Variants in ACTR3B observed in about 807,000 individuals in gnomAD.
ACTR3B encodes actin related protein 3B.
A neutral mutation model predicts 59.0 loss-of-function variants in ACTR3B; 8 were observed. That is an observed-to-expected ratio of 0.14 (90% CI 0.08 to 0.24). The LOEUF (loss-of-function observed/expected upper bound fraction) is 0.24. Among genes scored for constraint, ACTR3B ranks in the 10% least tolerant of loss-of-function variants. ACTR3B has a pLI of 1.00. For synonymous variants in ACTR3B, 148 were observed against 197.9 expected (o/e 0.75, Z 2.12); for missense variants, 245 against 552.3 (o/e 0.44, Z 5.58).
rs547362283 is a variant in ACTR3B at position 152,763,788 on chromosome 7, C to CT, written c.44+3863dup. Among the ~76,000 whole-genome samples, 235 of 152,208 alleles carry CT rather than the reference C, an allele frequency of 1.5e-3. 1 individual carries two copies. Among genetic ancestry groups the CT allele is most frequent in the Non-Finnish European group, 3.7e-4 (25 of 68,016 alleles). On this transcript the variant is annotated intron_variant, in intron 1 of 11. Coordinates refer to ENST00000256001, the MANE Select transcript of ACTR3B (RefSeq NM_020445.6). ...GTTGCAAAATGGTGATTTTTGAACT[C>CT]TATTATTCTGTCTCCATTTATTAGT...
At chr7:152,848,104 C>A (rs868048524) in intron 9 of ACTR3B, among the ~76,000 whole-genome samples, 10 of 152,304 alleles carry the variant, frequency 6.6e-5, no homozygotes, top group African/African-American at 2.2e-4. Context: ...TAGCTCAGAA[C>A]GTGGAGATGA....
rs918525367 is a variant in ACTR3B, at chr7:152,854,535, C to G, written c.1239C>G (p.Val413=). 20 of 1,614,014 alleles carry G rather than the reference C, an allele frequency of 1.2e-5. No homozygotes were observed. Among genetic ancestry groups the G allele is most frequent in the African/African-American group, 2.7e-5 (2 of 74,916 alleles). ...CCAGCATCTGCCGCCACAACCCCGT[C>G]TTTGGAGTCATGTCCTAGTGTCTGC... is the stretch of plus-strand genomic sequence containing the variant. ...YGPSICRHNP[V]FGVMS Residue 413 remains valine (V), a synonymous_variant, in exon 12 of 12, where the codon GTC becomes GTG. Transcript: ENST00000256001. This position sits in a 1 kb window ranked among gnomAD's most constrained non-coding sequence, Gnocchi z 4.9.
chr7:152,763,313 CAAAAAAA>C (rs925259822), intron 1 of ACTR3B, among the ~76,000 whole-genome samples: 156 of 20,476 alleles, frequency 7.6e-3, no homozygotes, highest in Middle Eastern at 0.045. Context: ...GACTCCATCT[CAAAAAAA>C]AAAAAAAAAA....
Position 152,822,083 on chromosome 7 carries a change from G to A in ACTR3B, c.685-1259G>A, listed in dbSNP as rs192604432. ...TTGTCTCCAGTCTTGGTAGATTTGA[G>A]GTTGTAATCAGCTGACCCTGTTTCT... On this transcript the variant is annotated intron_variant, in intron 7 of 11. Transcript: ENST00000256001. Among the ~76,000 whole-genome samples, 812 of 152,332 alleles carry A rather than the reference G, an allele frequency of 5.3e-3. 3 individuals carry two copies. The highest frequency in any genetic ancestry group is 0.018 in the African/African-American group (766 of 41,560).
chr7:152,765,300 A>G (rs2117111498), intron 1 of ACTR3B, among the ~76,000 whole-genome samples: 1 of 151,914 alleles, frequency 6.6e-6, no homozygotes, highest in Non-Finnish European at 1.5e-5. Context: ...TATTTTTAAT[A>G]GAGACGGGGT....
intron 1 of ACTR3B, among the ~76,000 whole-genome samples, chr7:152,775,909 T>A (rs1335064941): frequency 1.3e-5 from 2 of 152,166 alleles, no homozygotes; most frequent in Non-Finnish European, 2.9e-5. Flanking sequence ...TGCTTTGAAT[T>A]TTGAGCTATA....
intron 1 of ACTR3B, among the ~76,000 whole-genome samples, chr7:152,774,871 T>A (rs959133654): frequency 1.3e-5 from 2 of 152,220 alleles, no homozygotes; most frequent in African/African-American, 4.8e-5. Flanking sequence ...TGCGTTGCTT[T>A]AAAACTATTG....
chr7:152,834,450 G>A (rs972253297), intron 9 of ACTR3B, among the ~76,000 whole-genome samples: 3 of 152,170 alleles, frequency 2.0e-5, no homozygotes, highest in East Asian at 1.9e-4. Flanking sequence ...CACCGCGCCC[G>A]GTTGTCGCTG....
rs1590494573 is a variant in ACTR3B, at chr7:152,854,394, T to A, written c.1162-64T>A. On this transcript the variant is annotated intron_variant, in intron 11 of 11. Coordinates refer to ENST00000256001, the MANE Select transcript of ACTR3B (RefSeq NM_020445.6). This position sits in a 1 kb window ranked among gnomAD's most constrained non-coding sequence, Gnocchi z 4.9. ...TGAGGAGAGTGTCTTGCCTGCTTGG[T>A]AGCTGGTTCCCTTGACTTTCTTCTG... 1 of 1,474,270 alleles carries A rather than the reference T, an allele frequency of 6.8e-7. No individual in the cohort carries two copies. Among genetic ancestry groups the A allele is most frequent in the Non-Finnish European group, 9.5e-7 (1 of 1,053,534 alleles). The allele number at this position is 1,474,270 out of a possible 1,614,324, so 91.3% of individuals were successfully genotyped here. A position where few individuals can be genotyped will look rare whatever the true frequency, so the allele number is the denominator to read the frequency against.
rs1262017768 is a variant in ACTR3B, at chr7:152,816,103, C to T, written c.433-378C>T. ...CTGGGAGTACACGTGCGTGTCACCA[C>T]GCCTGGCTAATTTTTGTATTATTTG... On this transcript the variant is annotated intron_variant, in intron 5 of 11. Transcript: ENST00000256001. Among the ~76,000 whole-genome samples, 3 of 152,090 alleles carry T rather than the reference C, an allele frequency of 2.0e-5. No homozygotes were observed. The South Asian group carries it at 6.2e-4, about 32-fold the overall frequency.
chr7:152,785,339 G>A lies in ACTR3B; in HGVS notation c.100+2097G>A, dbSNP rs1326230587. Reference sequence around the variant, plus strand: ...TAATACAAATGTCAAAGAGGTGGGAGTAAAAGAACAGTTACATTGTTGGGC... The same window carrying A: ...TAATACAAATGTCAAAGAGGTGGGAATAAAAGAACAGTTACATTGTTGGGC... On this transcript the variant is annotated intron_variant, in intron 2 of 11. Transcript: ENST00000256001. Among the ~76,000 whole-genome samples the A allele has an allele frequency of 2.5e-5, 3 of 119,726 alleles. No individual in the cohort carries two copies. The South Asian group carries it at 1.0e-3, about 41-fold the overall frequency. The allele number at this position is 119,726 out of a possible 152,430, so 78.5% of individuals were successfully genotyped here.
chr7:152,763,762 G>A (rs1236525534), intron 1 of ACTR3B, among the ~76,000 whole-genome samples: 2 of 152,078 alleles, frequency 1.3e-5, no homozygotes, highest in Non-Finnish European at 2.9e-5. Context: ...TTATGGTGAT[G>A]GTTGCAAAAT....
At chr7:152,808,025 C>T (rs1270473294) in intron 4 of ACTR3B, among the ~76,000 whole-genome samples, 1 of 152,178 alleles carries the variant, frequency 6.6e-6, no homozygotes, top group Admixed American at 6.5e-5. Flanking sequence ...CCGTTGAACA[C>T]GAATTCTCTT....
intron 4 of ACTR3B, 68 bp from the exon 5 acceptor site, chr7:152,814,482 G>C (rs1795523572): frequency 2.5e-6 from 3 of 1,180,168 alleles, no homozygotes; most frequent in Admixed American, 3.9e-5. Context: ...AGGTTAACCT[G>C]TTTATGGTTC....
intron 2 of ACTR3B, among the ~76,000 whole-genome samples, chr7:152,784,877 C>A (rs1252676752): frequency 6.6e-6 from 1 of 152,014 alleles, no homozygotes; most frequent in East Asian, 1.9e-4. Flanking sequence ...CTAAAAGTTT[C>A]ATCTCCAAAT....
intron 2 of ACTR3B, among the ~76,000 whole-genome samples, chr7:152,787,647 T>C (rs1040918796): frequency 2.0e-5 from 3 of 152,124 alleles, no homozygotes; most frequent in African/African-American, 7.2e-5. Flanking sequence ...TATTAAAGAG[T>C]GTGTTCCCAT....
chr7:152,831,123 G>A (rs1796991660), intron 9 of ACTR3B, among the ~76,000 whole-genome samples: 1 of 152,164 alleles, frequency 6.6e-6, no homozygotes, highest in South Asian at 2.1e-4. Flanking sequence ...GCTTCCTGTT[G>A]ATAAATCCCC....
Position 152,854,785 on chromosome 7 carries a change from C to CCCTCCTCCT in ACTR3B, c.*241_*249dup. On this transcript the variant is annotated 3_prime_UTR_variant, in exon 12 of 12. Transcript: ENST00000256001. The surrounding 1 kb of genome is among the most constrained non-coding windows in gnomAD (Gnocchi z 4.9). ...CTCCCGCCCTCCTCACCCTCGCTCTCCCTCCTCCTCCTCCTCCGAGCTGCT... is the reference window on the plus strand; with the variant it reads ...CTCCCGCCCTCCTCACCCTCGCTCTCCCTCCTCCTCCTCCTCCTCCTCCTCCGAGCTGCT... 2.1e-6 allele frequency: 1 copy of CCCTCCTCCT among 480,706 alleles called. No individual in the cohort carries two copies. The highest frequency in any genetic ancestry group is 3.7e-6 in the Non-Finnish European group (1 of 267,922). The allele number at this position is 480,706 out of a possible 1,614,324, so 29.8% of individuals were successfully genotyped here. A position where few individuals can be genotyped will look rare whatever the true frequency, so the allele number is the denominator to read the frequency against.
intron 1 of ACTR3B, among the ~76,000 whole-genome samples, chr7:152,767,808 C>G (rs1305059414): frequency 1.3e-5 from 2 of 151,616 alleles, no homozygotes; most frequent in Non-Finnish European, 2.9e-5. Flanking sequence ...TTTTTCATTC[C>G]TAGATTACAT....
Sources: allele counts gnomAD v4.1 joint callset (sites outside exome capture counted in the v4.1 genomes callset), GRCh38; gene constraint gnomAD v4.1.1; non-coding constraint Gnocchi (gnomAD v3.1); transcripts MANE v1.5; gene names NCBI Gene and HGNC (gene_info 2026-07-23, HGNC 2026-07-21).